The following EPHX4 variants were observed in gnomAD, a reference collection of about 807,000 sequenced individuals.
EPHX4 encodes abhydrolase domain containing 7.
A neutral mutation model predicts 44.9 loss-of-function variants in EPHX4; 31 were observed. That is an observed-to-expected ratio of 0.69 (90% CI 0.52 to 0.93). EPHX4 has a LOEUF of 0.93. Among genes scored for constraint, EPHX4 ranks in the 40% least tolerant of loss-of-function variants. The pLI is 0.00. For missense variants in EPHX4, 373 were observed against 438.1 expected, an observed-to-expected ratio of 0.85 and a Z score of 1.33; for synonymous variants, 151 against 159.7, an observed-to-expected ratio of 0.95 and a Z score of 0.41.
chr1:92,036,631 T>C (rs1304044855), intron 2 of EPHX4, among the ~76,000 whole-genome samples: 2 of 152,220 alleles, frequency 1.3e-5, no homozygotes, highest in African/African-American at 4.8e-5. Flanking sequence ...GTCTCTTCTG[T>C]TCACTAAATC....
chr1:92,051,555 T>C (rs915811551), intron 5 of EPHX4, among the ~76,000 whole-genome samples: 4 of 152,218 alleles, frequency 2.6e-5, no homozygotes, highest in African/African-American at 9.6e-5. Context: ...GTATTTAACT[T>C]GTTCCTCTAA....
At chr1:92,056,620 C>G (rs1427466938) in intron 6 of EPHX4, among the ~76,000 whole-genome samples, 1 of 149,998 alleles carries the variant, frequency 6.7e-6, no homozygotes, top group Non-Finnish European at 1.5e-5. Flanking sequence ...CTGCACATAA[C>G]AATTAGAAAA....
intron 2 of EPHX4, among the ~76,000 whole-genome samples, chr1:92,039,612 T>C (rs1175416703): frequency 6.6e-6 from 1 of 152,222 alleles, no homozygotes; most frequent in East Asian, 1.9e-4. Context: ...TTAACAACAT[T>C]ACTACAGTCT....
At chr1:92,032,291 T>A (rs1688372039) in intron 1 of EPHX4, among the ~76,000 whole-genome samples, 1 of 152,190 alleles carries the variant, frequency 6.6e-6, no homozygotes, top group African/African-American at 2.4e-5. Context: ...TATTAATAGG[T>A]CATGGGGTTT....
chr1:92,032,825 C>T lies in EPHX4; in HGVS notation c.317+235C>T, dbSNP rs78123781. ...GAAGGGCAAAGAAGCAAAAGGGGGC[C>T]GAAATTGCCCTTTCATAGTGGCATT... is the stretch of plus-strand genomic sequence containing the variant. On this transcript the variant is annotated intron_variant, in intron 2 of 6. Transcript: ENST00000370383. 4.7e-3 allele frequency among the ~76,000 whole-genome samples: 710 copies of T among 152,196 alleles called. 7 individuals are homozygous for T. The highest frequency in any genetic ancestry group is 0.016 in the African/African-American group (667 of 41,544).
At chr1:92,056,858 AT>A (rs1647381544) in intron 6 of EPHX4, among the ~76,000 whole-genome samples, 1 of 152,124 alleles carries the variant, frequency 6.6e-6, no homozygotes. Flanking sequence ...ATACCAAAAA[AT>A]ATTACATAGA....
At chr1:92,043,070 T>C (rs888332340) in intron 3 of EPHX4, 90 bp downstream of exon 3, 1 of 1,043,606 alleles carries the variant, frequency 9.6e-7, no homozygotes, top group African/African-American at 1.6e-5. Flanking sequence ...GGAGGATGCA[T>C]ATTCCATCTA....
Position 92,063,400 on chromosome 1 carries a change from CATAA to C in EPHX4, c.*122_*125del. 1 of 757,478 alleles carries C rather than the reference CATAA, an allele frequency of 1.3e-6. No homozygotes were observed. Among genetic ancestry groups the C allele is most frequent in the Non-Finnish European group, 2.0e-6 (1 of 492,760 alleles). 46.9% of individuals were successfully genotyped at this position (757,478 alleles called of 1,614,324 possible). ...AAAAAACTGTTTTAATGTGCTTTATCATAAATAAATATCCTGACAAATGGTATTG... is the reference window on the plus strand; with the variant it reads ...AAAAAACTGTTTTAATGTGCTTTATCATAAATATCCTGACAAATGGTATTG... On this transcript the variant is annotated 3_prime_UTR_variant, in exon 7 of 7. Coordinates refer to ENST00000370383, the MANE Select transcript of EPHX4 (RefSeq NM_173567.5).
At chr1:92,058,365 T>C (rs1647417372) in intron 6 of EPHX4, among the ~76,000 whole-genome samples, 1 of 150,360 alleles carries the variant, frequency 6.7e-6, no homozygotes, top group South Asian at 2.1e-4. Context: ...CAGTTGAACC[T>C]GGGAGGTGGA....
chr1:92,062,584 CAAAAAAAA>C (rs1167530513), intron 6 of EPHX4, among the ~76,000 whole-genome samples: 3 of 20,090 alleles, frequency 1.5e-4, no homozygotes, highest in African/African-American at 3.8e-4. Flanking sequence ...AACTCCATCT[CAAAAAAAA>C]AAAAAAAAAA....
At chr1:92,047,429 C>T (rs1225408129) in intron 4 of EPHX4, among the ~76,000 whole-genome samples, 1 of 151,784 alleles carries the variant, frequency 6.6e-6, no homozygotes, top group Non-Finnish European at 1.5e-5. Context: ...TAATTCAACC[C>T]ATCAACTCAA....
At chr1:92,032,865 G>C (rs1040141333) in intron 2 of EPHX4, among the ~76,000 whole-genome samples, 4 of 152,104 alleles carry the variant, frequency 2.6e-5, no homozygotes, top group African/African-American at 9.7e-5. Context: ...CCATCCATGA[G>C]GGCAGAGCCT....
At chr1:92,057,574 T>TAGA (rs894840633) in intron 6 of EPHX4, among the ~76,000 whole-genome samples, 3 of 151,596 alleles carry the variant, frequency 2.0e-5, no homozygotes, top group Non-Finnish European at 4.4e-5. Context: ...CACCCATACA[T>TAGA]AGAAGCCTAG....
chr1:92,033,052 G>A (rs1381621902), intron 2 of EPHX4, among the ~76,000 whole-genome samples: 1 of 151,804 alleles, frequency 6.6e-6, no homozygotes, highest in Non-Finnish European at 1.5e-5. Flanking sequence ...CAAGTAGCTG[G>A]GACTACAGGC....
intron 2 of EPHX4, among the ~76,000 whole-genome samples, chr1:92,033,997 C>T (rs372081812): frequency 9.3e-4 from 102 of 109,128 alleles, no homozygotes; most frequent in African/African-American, 2.9e-3. Context: ...CATGTTTAAA[C>T]TTTTTTTTTT....
intron 4 of EPHX4, among the ~76,000 whole-genome samples, chr1:92,049,711 G>A (rs1647211676): frequency 6.6e-6 from 1 of 152,164 alleles, no homozygotes; most frequent in Admixed American, 6.5e-5. Context: ...AAAAGTGGTA[G>A]GTCACTGATA....
chr1:92,050,243 C>T (rs2101872811), intron 4 of EPHX4, 74 bp from the exon 5 acceptor site: 1 of 921,136 alleles, frequency 1.1e-6, no homozygotes, highest in Non-Finnish European at 1.7e-6. Context: ...TAAAATTGTC[C>T]TAAAAAGAAG....
At chr1:92,051,376 C>G (rs958232919) in intron 5 of EPHX4, among the ~76,000 whole-genome samples, 1 of 152,028 alleles carries the variant, frequency 6.6e-6, no homozygotes, top group Non-Finnish European at 1.5e-5. Flanking sequence ...TTGTTTGAAT[C>G]AGGAACCAAA....
At chr1:92,034,268 C>G (rs564883957) in intron 2 of EPHX4, among the ~76,000 whole-genome samples, 270 of 143,528 alleles carry the variant, frequency 1.9e-3, no homozygotes, top group African/African-American at 5.7e-3. Flanking sequence ...CCACTGCACT[C>G]CAGCCTGGGC....
Sources: gnomAD v4.1 joint callset for allele counts (sites outside exome capture counted in the v4.1 genomes callset) on GRCh38, gnomAD v4.1.1 for gene constraint, MANE v1.5 for transcripts, NCBI Gene and HGNC (gene_info 2026-07-23, HGNC 2026-07-21) for gene names.